TRAF3IP3: variants seen among roughly 807,000 people sequenced by gnomAD.
The protein encoded by TRAF3IP3 is TRAF3 interacting protein 3.
TRAF3IP3 carries 64 observed loss-of-function variants against 86.5 expected under a neutral mutation model. The ratio of observed to expected loss-of-function variants is 0.74; its 90% confidence interval spans 0.60 to 0.91. The LOEUF is 0.91. Among genes scored for constraint, TRAF3IP3 ranks in the 40% least tolerant of loss-of-function variants. The pLI is 0.00. For missense variants in TRAF3IP3, 579 were observed against 642.9 expected (o/e 0.90, Z 1.07); for synonymous variants, 220 against 243.9 (o/e 0.90, Z 0.91).
Position 209,782,209 on chromosome 1 carries a change from G to C in TRAF3IP3, c.*61G>C. 1 of 1,368,182 alleles carries C rather than the reference G, an allele frequency of 7.3e-7. No individual in the cohort carries two copies. The highest frequency in any genetic ancestry group is 1.8e-4 in the Middle Eastern group (1 of 5,620). The allele number at this position is 1,368,182 out of a possible 1,614,324, so 84.8% of individuals were successfully genotyped here. ...AGCAAGCAACTCAGCGAAAAACTCA[G>C]AAGGTTTGGGTACATTACAGCTTGG... On this transcript the variant is annotated 3_prime_UTR_variant, in exon 17 of 17. Coordinates refer to ENST00000367025, the MANE Select transcript of TRAF3IP3 (RefSeq NM_025228.4).
At chr1:209,760,433 G>T in intron 3 of TRAF3IP3, 49 bp downstream of exon 3, 2 of 1,463,716 alleles carry the variant, frequency 1.4e-6, no homozygotes, top group Non-Finnish European at 1.8e-6. Flanking sequence ...GACCCTCTCT[G>T]GACAAGGAGG....
chr1:209,772,206 A>G (rs1301872577), intron 8 of TRAF3IP3, among the ~76,000 whole-genome samples: 1 of 152,112 alleles, frequency 6.6e-6, no homozygotes, highest in Non-Finnish European at 1.5e-5. Context: ...CTGGAGGCTA[A>G]AAGTCTGAGA....
chr1:209,775,287 C>A lies in TRAF3IP3; in HGVS notation c.775-62C>A, dbSNP rs1020228876. On this transcript the variant is annotated intron_variant, in intron 9 of 16. Coordinates refer to ENST00000367025, the MANE Select transcript of TRAF3IP3 (RefSeq NM_025228.4). The stretch of plus-strand genomic sequence containing the variant: ...CCAACTTCTTTTCATTTCTGTATCC[C>A]AGCTCAGGATTTGGCACACAGAAGC... The A allele has an allele frequency of 2.7e-5, 40 of 1,498,770 alleles. No homozygotes were observed. The Middle Eastern group carries it at 6.9e-4, about 26-fold the overall frequency. The allele number at this position is 1,498,770 out of a possible 1,614,324, so 92.8% of individuals were successfully genotyped here.
Position 209,780,705 on chromosome 1 carries a change from G to A in TRAF3IP3, c.1449+99G>A, listed in dbSNP as rs535908548. 53 of 1,156,146 alleles carry A rather than the reference G, an allele frequency of 4.6e-5. 1 individual carries two copies. Among genetic ancestry groups the A allele is most frequent in the Middle Eastern group, 5.2e-4 (2 of 3,818 alleles). The allele number at this position is 1,156,146 out of a possible 1,614,324, so 71.6% of individuals were successfully genotyped here. A position where few individuals can be genotyped will look rare whatever the true frequency, so the allele number is the denominator to read the frequency against. On this transcript the variant is annotated intron_variant, in intron 15 of 16. Coordinates refer to ENST00000367025, the MANE Select transcript of TRAF3IP3 (RefSeq NM_025228.4). ...AGGGATTTCAAAGTTTAAGTTGTGA[G>A]TGGATAACCACAGACATTCATTTGC...
Position 209,781,357 on chromosome 1 carries a change from C to A in TRAF3IP3, c.1462C>A (p.His488Asn), listed in dbSNP as rs774943065. Residue 488 changes from histidine (H) to asparagine (N), a missense_variant, in exon 16 of 17, where the codon CAT (histidine) becomes AAT (asparagine). Physicochemically the swap from His to Asn is moderately conservative, Grantham distance 68. Coordinates refer to ENST00000367025, the MANE Select transcript of TRAF3IP3 (RefSeq NM_025228.4). Reference protein sequence around the residue: ...QAKEKECRELHSELDNLSDEY... With the variant: ...QAKEKECRELNSELDNLSDEY... Reference sequence around the variant, plus strand: ...ATGTTCTCCCCAGTGCAGAGAACTGCATTCAGAATTAGACAACCTCAGTGA... The same window carrying A: ...ATGTTCTCCCCAGTGCAGAGAACTGAATTCAGAATTAGACAACCTCAGTGA... The A allele has an allele frequency of 2.5e-6, 4 of 1,611,858 alleles. No homozygotes were observed. The South Asian group carries it at 4.4e-5, about 18-fold the overall frequency.
rs184900416 is a variant in TRAF3IP3 at position 209,779,495 on chromosome 1, G to A, written c.1312+121G>A. ...CCAGTTCTGGGAGTCTGTTAAGTCC[G>A]GGATGTGTGGGAGCTTTTTAAGGAC... On this transcript the variant is annotated intron_variant, in intron 14 of 16. Coordinates refer to ENST00000367025, the MANE Select transcript of TRAF3IP3 (RefSeq NM_025228.4). 3.1e-4 allele frequency: 250 copies of A among 816,786 alleles called. 1 individual carries two copies. Among genetic ancestry groups the A allele is most frequent in the East Asian group, 1.6e-3 (60 of 38,208 alleles). The allele number at this position is 816,786 out of a possible 1,614,324, so 50.6% of individuals were successfully genotyped here. A position where few individuals can be genotyped will look rare whatever the true frequency, so the allele number is the denominator to read the frequency against.
At chr1:209,780,981 T>A (rs550849531) in intron 15 of TRAF3IP3, 39 of 189,464 alleles carry the variant, frequency 2.1e-4, no homozygotes, top group African/African-American at 8.5e-4. Context: ...CCCAGAAGTA[T>A]TGATATGCAA....
At position 209,775,893 on chromosome 1, in the gene TRAF3IP3, G is replaced by A. The variant is rs2077644990; in HGVS notation, c.1053+157G>A. ...ACTTTGTACCAAATTCACTGTTTTGGCTCTGAAATCTAATTTTGAGTTTAG... is the reference window on the plus strand; with the variant it reads ...ACTTTGTACCAAATTCACTGTTTTGACTCTGAAATCTAATTTTGAGTTTAG... On this transcript the variant is annotated intron_variant, in intron 11 of 16. Transcript: ENST00000367025. 1.6e-5 allele frequency: 11 copies of A among 671,102 alleles called. 1 individual carries two copies. In the South Asian group the frequency reaches 2.3e-4, roughly 14 times the overall value. The allele number at this position is 671,102 out of a possible 1,614,324, so 41.6% of individuals were successfully genotyped here. A position where few individuals can be genotyped will look rare whatever the true frequency, so the allele number is the denominator to read the frequency against.
At chr1:209,770,963 G>T (rs1476464977) in intron 8 of TRAF3IP3, among the ~76,000 whole-genome samples, 560 of 58,780 alleles carry the variant, frequency 9.5e-3, no homozygotes, top group Middle Eastern at 0.019. Context: ...CATGTGGAGG[G>T]GTGCGTGTGC....
intron 5 of TRAF3IP3, 87 bp from the exon 6 acceptor site, chr1:209,762,981 A>G (rs2077273780): frequency 1.9e-6 from 3 of 1,584,882 alleles, no homozygotes; most frequent in Admixed American, 1.7e-5. Flanking sequence ...TCCCCACCCT[A>G]CTGGCTCTTC....
intron 8 of TRAF3IP3, among the ~76,000 whole-genome samples, chr1:209,769,840 G>A (rs780404508): frequency 6.6e-6 from 1 of 152,214 alleles, no homozygotes; most frequent in Non-Finnish European, 1.5e-5. Flanking sequence ...ACTTGGCCTG[G>A]TTGGAAAAAG....
At position 209,775,356 on chromosome 1, in the gene TRAF3IP3, C is replaced by T. The variant is rs755767725; in HGVS notation, c.782C>T (p.Ser261Phe). The T allele has an allele frequency of 6.2e-7, 1 of 1,611,698 alleles. No individual in the cohort carries two copies. The highest frequency in any genetic ancestry group is 8.5e-7 in the Non-Finnish European group (1 of 1,178,778). ...NQLYTCTQKYSPWGMKKVLLE... is the reference protein window; with the variant it reads ...NQLYTCTQKYFPWGMKKVLLE... ...ATTGCATCAAATTTACAGAAATACT[C>T]CCCTTGGGGAATGAAAAAAGTACTA... The change falls in exon 10 of 17, where the codon TCC becomes TTC. Residue 261 changes from serine (S) to phenylalanine (F), a missense_variant. By Grantham distance (155) the Ser-to-Phe change is radical. Transcript: ENST00000367025.
At chr1:209,780,692 G>C (rs1220609175) in intron 15 of TRAF3IP3, 86 bp downstream of exon 15, 42 of 1,317,180 alleles carry the variant, frequency 3.2e-5, no homozygotes, top group Non-Finnish European at 3.7e-5. Context: ...GGATTTCAAA[G>C]TTTAAGTTGT....
intron 1 of TRAF3IP3, among the ~76,000 whole-genome samples, chr1:209,758,139 AATAGAC>A (rs1468420206): frequency 2.0e-5 from 3 of 152,214 alleles, no homozygotes; most frequent in Admixed American, 1.3e-4. Flanking sequence ...CATTTATAAC[AATAGAC>A]ATGGGTCTCT....
At position 209,782,136 on chromosome 1, in the gene TRAF3IP3, C is replaced by T. The variant is rs2077795891; in HGVS notation, c.1644C>T (p.Asn548=). 9.3e-6 allele frequency: 15 copies of T among 1,613,664 alleles called. No individual in the cohort carries two copies. The East Asian group carries it at 3.1e-4, about 34-fold the overall frequency. The change falls in exon 17 of 17, where the codon AAC becomes AAT. Residue 548 remains asparagine, a synonymous_variant. Coordinates refer to ENST00000367025, the MANE Select transcript of TRAF3IP3 (RefSeq NM_025228.4). ...CAGTGTTCCTGGCCAATAAAGACAA[C>T]CTGATGATCTGAATAATTTGTGACA... ...ALAVFLANKD[N]LMI is the part of the protein sequence containing the mutation.
chr1:209,775,752 G>A lies in TRAF3IP3; in HGVS notation c.1053+16G>A. On this transcript the variant is annotated intron_variant, in intron 11 of 16. Transcript: ENST00000367025. ...CAAACTGCAGGTACCAGGCACTGGG[G>A]GTGGGGAGGGAAGACAGGGTATGGG... 1 of 1,601,034 alleles carries A rather than the reference G, an allele frequency of 6.2e-7. No individual in the cohort carries two copies. The highest frequency in any genetic ancestry group is 8.5e-7 in the Non-Finnish European group (1 of 1,173,442).
At position 209,780,461 on chromosome 1, in the gene TRAF3IP3, CT is replaced by C. The variant is rs36087722; in HGVS notation, c.1313-3del. The C allele has an allele frequency of 3.2e-6, 5 of 1,545,784 alleles. No homozygotes were observed. Among genetic ancestry groups the C allele is most frequent in the Admixed American group, 1.9e-5 (1 of 53,638 alleles). ...CTCACTGTCACCAAGAATCTGGCTG[CT>C]TTTTTAGATCAGGCTTTGCCCGTGT... On this transcript the variant is annotated splice_polypyrimidine_tract_variant and splice_region_variant and intron_variant, in intron 14 of 16. Coordinates refer to ENST00000367025, the MANE Select transcript of TRAF3IP3 (RefSeq NM_025228.4).
At chr1:209,769,421 G>A (rs2077420938) in intron 8 of TRAF3IP3, among the ~76,000 whole-genome samples, 1 of 152,226 alleles carries the variant, frequency 6.6e-6, no homozygotes, top group South Asian at 2.1e-4. Flanking sequence ...TATTGTAGAT[G>A]CCAAATCCCT....
In TRAF3IP3 at chr1:209,774,136, G is replaced by A. The variant is rs200630624; in HGVS notation, c.774+1117G>A. On this transcript the variant is annotated intron_variant, in intron 9 of 16. Coordinates refer to ENST00000367025, the MANE Select transcript of TRAF3IP3 (RefSeq NM_025228.4). Reference sequence around the variant, plus strand: ...ACAATAAAATCTGCCTGCCTTCTCCGAAATCACAGGGCATAAAGATGAAAG... The same window carrying A: ...ACAATAAAATCTGCCTGCCTTCTCCAAAATCACAGGGCATAAAGATGAAAG... Among the ~76,000 whole-genome samples, 57 of 152,290 alleles carry A rather than the reference G, an allele frequency of 3.7e-4. No homozygotes were observed. The East Asian group carries it at 8.5e-3, about 23-fold the overall frequency.
Sources: gnomAD v4.1 joint callset for allele counts (sites outside exome capture counted in the v4.1 genomes callset) on GRCh38, gnomAD v4.1.1 for gene constraint, MANE v1.5 for transcripts, NCBI Gene and HGNC (gene_info 2026-07-23, HGNC 2026-07-21) for gene names.